NLRP7: variants seen among roughly 807,000 people sequenced by gnomAD.
The protein encoded by NLRP7 is NACHT, LRR and PYD domains-containing protein 7.
Under a neutral mutation model 85.5 loss-of-function variants are expected in NLRP7, and 72 were observed. That is an observed-to-expected ratio of 0.84 (90% CI 0.70 to 1.02). NLRP7 has a LOEUF of 1.02. Ranked by LOEUF, NLRP7 falls within the 50% of genes least tolerant of loss-of-function variation. The pLI is 0.00. For missense variants in NLRP7, 1,243 were observed against 1,219.5 expected, an observed-to-expected ratio of 1.02 and a Z score of -0.29; for synonymous variants, 550 against 505.2, an observed-to-expected ratio of 1.09 and a Z score of -1.19.
chr19:54,944,631 A>AC (rs1449414163), intron 1 of NLRP7, among the ~76,000 whole-genome samples: 1 of 152,002 alleles, frequency 6.6e-6, no homozygotes, highest in Non-Finnish European at 1.5e-5. Context: ...GACAAGAAAC[A>AC]CCCACAGGTG....
Position 54,939,216 on chromosome 19 carries a change from C to A in NLRP7, c.1603G>T (p.Glu535Ter). 6.2e-7 allele frequency: 1 copy of A among 1,614,230 alleles called. No individual in the cohort carries two copies. The highest frequency in any genetic ancestry group is 8.5e-7 in the Non-Finnish European group (1 of 1,180,050). ...GACATCCGGCAGCCAAAAGTGGCCT[C>A]CAACTCCTTGGCTCTCTTCTCGTTA... is the stretch of plus-strand genomic sequence containing the variant. Residue 535 changes from glutamate to a stop codon, truncating the protein, a stop_gained, in exon 4 of 10, where the codon GAG (glutamate) becomes TAG (stop). Transcript: ENST00000340844. LOFTEE classifies it high-confidence loss of function.
chr19:54,940,198 C>A lies in NLRP7; in HGVS notation c.621G>T (p.Ala207=). ...TGAGCTCCTTGCAGCTGAGGTAGAA[C>A]GCGTATCTGAGCGTCGGGCTGAGGT... The change falls in exon 4 of 10, where the codon GCG becomes GCT. Residue 207 remains alanine (A), a synonymous_variant. Transcript: ENST00000340844. The A allele has an allele frequency of 1.2e-6, 2 of 1,614,146 alleles. No homozygotes were observed. The highest frequency in any genetic ancestry group is 2.2e-5 in the East Asian group (1 of 44,872).
chr19:54,941,684 G>A (rs1408892386), exon 2 of NLRP7: 5 of 1,613,408 alleles, frequency 3.1e-6, no homozygotes, highest in Non-Finnish European at 4.2e-6. Context: ...AGGGTCTGCA[G>A]AGTCCACTCT....
chr19:54,953,931 C>T (rs1392888842), intron 1 of NLRP7, among the ~76,000 whole-genome samples: 8 of 151,700 alleles, frequency 5.3e-5, no homozygotes, highest in African/African-American at 1.9e-4. Flanking sequence ...GGCGTGAACC[C>T]GGGTGATGGA....
chr19:54,941,107 T>A, intron 2 of NLRP7, 102 bp from the exon 3 acceptor site: 1 of 890,222 alleles, frequency 1.1e-6, no homozygotes, highest in Non-Finnish European at 1.9e-6. Flanking sequence ...CTCATGCCTG[T>A]AATCACAGCA....
chr19:54,942,870 G>C (rs554695793), intron 1 of NLRP7, among the ~76,000 whole-genome samples: 1 of 152,068 alleles, frequency 6.6e-6, no homozygotes, highest in Non-Finnish European at 1.5e-5. Context: ...GTACTGGCCG[G>C]GTATGGTGGC....
At position 54,934,345 on chromosome 19, in the gene NLRP7, G is replaced by T; in HGVS notation, c.2471+144C>A. ...GCCCACCTCTCTGCTGAGATTACAG[G>T]CAGGAGCCACCGTGCCGGGCCTGAA... On this transcript the variant is annotated intron_variant, in intron 7 of 9. Transcript: ENST00000340844. The surrounding 1 kb of genome is among the most constrained non-coding windows in gnomAD (Gnocchi z 6.7). 2 of 836,032 alleles carry T rather than the reference G, an allele frequency of 2.4e-6. No individual in the cohort carries two copies. Among genetic ancestry groups the T allele is most frequent in the Non-Finnish European group, 4.2e-6 (2 of 479,202 alleles). 51.8% of individuals were successfully genotyped at this position (836,032 alleles called of 1,614,324 possible).
At chr19:54,962,989 A>C (rs1188512798) in intron 1 of NLRP7, among the ~76,000 whole-genome samples, 1 of 152,158 alleles carries the variant, frequency 6.6e-6, no homozygotes, top group Non-Finnish European at 1.5e-5. Flanking sequence ...TGTGATCTTC[A>C]AGACCTCAGA....
At position 54,939,380 on chromosome 19, in the gene NLRP7, T is replaced by C. The variant is rs745552333; in HGVS notation, c.1439A>G (p.Tyr480Cys). 34 of 1,613,746 alleles carry C rather than the reference T, an allele frequency of 2.1e-5. No individual in the cohort carries two copies. The Middle Eastern group carries it at 4.9e-4, about 23-fold the overall frequency. Residue 480 changes from tyrosine (Y) to cysteine (C), a missense_variant, in exon 4 of 10, where the codon TAC becomes TGC. Around this residue, in one of 3 missense-constraint regions of NLRP7, gnomAD observed 39 missense variants for 67.9 expected, o/e 0.57. Coordinates refer to ENST00000340844, the Ensembl canonical transcript of NLRP7. Reference sequence around the variant, plus strand: ...CTCCCCCTCCTCCTTCTCCAGGGCGTAGAACAGGGCAGTGAGAAACTGCTG... The same window carrying C: ...CTCCCCCTCCTCCTTCTCCAGGGCGCAGAACAGGGCAGTGAGAAACTGCTG...
intron 1 of NLRP7, among the ~76,000 whole-genome samples, chr19:54,943,479 T>A (rs927273048): frequency 2.6e-5 from 4 of 151,576 alleles, no homozygotes; most frequent in Admixed American, 2.6e-4. Flanking sequence ...CGGGCGCCTG[T>A]AGTCCCAGCT....
At position 54,938,250 on chromosome 19, in the gene NLRP7, G is replaced by C; in HGVS notation, c.1932-9C>G. 6.2e-7 allele frequency: 1 copy of C among 1,612,626 alleles called. No homozygotes were observed. The highest frequency in any genetic ancestry group is 8.5e-7 in the Non-Finnish European group (1 of 1,178,708). ...TGGTTAGGTAAGTGCACCTGCAGGAGAACACACGTTCATCTCTTAGGACTA... is the reference window on the plus strand; with the variant it reads ...TGGTTAGGTAAGTGCACCTGCAGGACAACACACGTTCATCTCTTAGGACTA... On this transcript the variant is annotated splice_polypyrimidine_tract_variant and intron_variant, in intron 4 of 9. Transcript: ENST00000340844.
chr19:54,924,816 A>G (rs1044089068), intron 9 of NLRP7, among the ~76,000 whole-genome samples: 1 of 152,064 alleles, frequency 6.6e-6, no homozygotes. Flanking sequence ...GACAACTGTA[A>G]TACCAGCTAC....
chr19:54,945,093 A>G (rs1252197085), intron 1 of NLRP7, among the ~76,000 whole-genome samples: 3 of 151,578 alleles, frequency 2.0e-5, no homozygotes, highest in Non-Finnish European at 2.9e-5. Context: ...CAAAAAAAAA[A>G]TTAGCCGGGC....
chr19:54,923,586 C>T, exon 10 of NLRP7: 1 of 861,804 alleles, frequency 1.2e-6, no homozygotes, highest in East Asian at 2.4e-5. Context: ...GTGACTCGTG[C>T]AGAATCTCCC....
At chr19:54,952,590 T>A in intron 1 of NLRP7, among the ~76,000 whole-genome samples, 1 of 145,726 alleles carries the variant, frequency 6.9e-6, no homozygotes, top group Non-Finnish European at 1.5e-5. Context: ...CAAAACTCCA[T>A]CTCAAAAAAA....
At chr19:54,953,093 A>G (rs1309106495) in intron 1 of NLRP7, 3 of 152,122 alleles carry the variant, frequency 2.0e-5, no homozygotes, top group Non-Finnish European at 4.4e-5. Context: ...AAGAAAAAAA[A>G]AAGCATTCTA....
chr19:54,957,367 AT>A (rs2069894405), intron 1 of NLRP7, among the ~76,000 whole-genome samples: 1 of 129,880 alleles, frequency 7.7e-6, no homozygotes, highest in African/African-American at 3.0e-5. Context: ...TTTTTTTGAG[AT>A]GGAGTCTCCC....
chr19:54,931,375 G>A (rs1602129197), intron 8 of NLRP7, among the ~76,000 whole-genome samples: 1 of 152,164 alleles, frequency 6.6e-6, no homozygotes, highest in East Asian at 1.9e-4. Context: ...TGGCCAAAGT[G>A]GTGAAACCCC....
intron 6 of NLRP7, among the ~76,000 whole-genome samples, chr19:54,935,494 G>T (rs578043379): frequency 3.3e-5 from 5 of 152,024 alleles, no homozygotes; most frequent in Admixed American, 3.3e-4. Flanking sequence ...TCAGGAGTTC[G>T]AGACCAGCCT....
Sources: allele counts gnomAD v4.1 joint callset (sites outside exome capture counted in the v4.1 genomes callset), GRCh38; gene constraint gnomAD v4.1.1; regional missense constraint gnomAD v4.1.1; non-coding constraint Gnocchi (gnomAD v3.1); transcripts MANE v1.5; gene names NCBI Gene and HGNC (gene_info 2026-07-23, HGNC 2026-07-21).